SERPINB8: variants seen among roughly 807,000 people sequenced by gnomAD.
SERPINB8 encodes serpin B8.
SERPINB8 carries 25 observed loss-of-function variants against 35.3 expected under a neutral mutation model. That is an observed-to-expected ratio of 0.71 (90% CI 0.52 to 0.99). The LOEUF (loss-of-function observed/expected upper bound fraction) is 0.99, where lower values mean the gene tolerates loss of function less well. SERPINB8 is among the 50% of genes least tolerant of loss of function. SERPINB8 has a pLI of 0.00. For synonymous variants in SERPINB8, 186 were observed against 160.8 expected, an observed-to-expected ratio of 1.16 and a Z score of -1.19; for missense variants, 484 against 446.5, an observed-to-expected ratio of 1.08 and a Z score of -0.76.
At chr18:64,002,992 G>A (rs1453492069) in intron 1 of SERPINB8, among the ~76,000 whole-genome samples, 1 of 152,236 alleles carries the variant, frequency 6.6e-6, no homozygotes, top group African/African-American at 2.4e-5. Flanking sequence ...ACCAGTGCCC[G>A]GGAGTCCTGC....
At chr18:63,983,237 A>G (rs976646775) in intron 4 of SERPINB8, among the ~76,000 whole-genome samples, 2 of 152,214 alleles carry the variant, frequency 1.3e-5, no homozygotes, top group African/African-American at 4.8e-5. Flanking sequence ...ACTGCCCCAT[A>G]GTCAGAATCA....
chr18:64,011,914 A>G (rs2050927576), intron 7 of SERPINB8, among the ~76,000 whole-genome samples: 1 of 152,170 alleles, frequency 6.6e-6, no homozygotes, highest in Non-Finnish European at 1.5e-5. Context: ...CAAAACTTGC[A>G]GAAATGGTTT....
At chr18:64,018,898 A>C (rs1467871323) in intron 7 of SERPINB8, 1 of 151,290 alleles carries the variant, frequency 6.6e-6, no homozygotes, top group Non-Finnish European at 1.5e-5. Flanking sequence ...AATGTCTCTC[A>C]TTTTTTTTTA....
rs553807077 is a variant in SERPINB8 at position 64,012,147 on chromosome 18, A to G, written c.*3-6763A>G. 7.8e-4 allele frequency among the ~76,000 whole-genome samples: 118 copies of G among 152,174 alleles called. 2 individuals are homozygous for G. Among genetic ancestry groups the G allele is most frequent in the Non-Finnish European group, 4.4e-4 (30 of 68,020 alleles). ...TTAATTTTATATATGATCAAGACTA[A>G]TATATAATAAAATATATGTCTGAAC... On this transcript the variant is annotated intron_variant, in intron 7 of 7. Coordinates refer to the SERPINB8 transcript ENST00000636430.
intron 6 of SERPINB8, 92 bp downstream of exon 6, chr18:63,985,337 C>A: frequency 1.4e-6 from 2 of 1,436,034 alleles, no homozygotes. Flanking sequence ...GAGGAGTTTC[C>A]AGTTGGGGTT....
Position 63,985,163 on chromosome 18 carries a change from C to G in SERPINB8, c.638C>G (p.Thr213Ser), listed in dbSNP as rs368850268. The change falls in exon 6 of 7, where the codon ACC becomes AGC. Residue 213 changes from threonine to serine, a missense_variant. By Grantham distance (58) the Thr-to-Ser change is moderately conservative. Transcript: ENST00000397985. ...FKMGYADEVH[T>S]QVLELPYVEE... ...ATGGGGTATGCGGATGAGGTACACA[C>G]CCAGGTCCTGGAGCTGCCCTATGTG... 21 of 1,614,036 alleles carry G rather than the reference C, an allele frequency of 1.3e-5. No individual in the cohort carries two copies. The highest frequency in any genetic ancestry group is 1.4e-5 in the Non-Finnish European group (17 of 1,180,014).
exon 8 of SERPINB8, chr18:64,019,314 T>G (rs1263719699): frequency 6.6e-6 from 1 of 152,306 alleles, no homozygotes; most frequent in Non-Finnish European, 1.5e-5. Context: ...CTTGCCTACT[T>G]GTACTGTGTG....
At chr18:63,984,047 A>G (rs554569887) in intron 5 of SERPINB8, among the ~76,000 whole-genome samples, 37 of 152,198 alleles carry the variant, frequency 2.4e-4, no homozygotes, top group Non-Finnish European at 5.1e-4. Context: ...AGGTTTTGTC[A>G]TATTGCCCAG....
chr18:63,970,693 A>G (rs2050458546), intron 1 of SERPINB8: 1 of 152,386 alleles, frequency 6.6e-6, no homozygotes, highest in African/African-American at 2.4e-5. Flanking sequence ...CCTGGGGCAG[A>G]TCGGGGAGGC....
intron 1 of SERPINB8, among the ~76,000 whole-genome samples, chr18:63,994,874 C>G (rs1292000268): frequency 1.3e-5 from 2 of 152,174 alleles, no homozygotes; most frequent in Admixed American, 1.3e-4. Flanking sequence ...CTCAGTCCGT[C>G]CCAGACACAA....
At chr18:64,015,939 T>A (rs1441365430) in intron 7 of SERPINB8, among the ~76,000 whole-genome samples, 1 of 152,214 alleles carries the variant, frequency 6.6e-6, no homozygotes, top group East Asian at 1.9e-4. Flanking sequence ...TGACATTCAA[T>A]TAGAGAACCA....
chr18:64,015,221 G>A (rs778070535), intron 7 of SERPINB8, among the ~76,000 whole-genome samples: 10 of 152,174 alleles, frequency 6.6e-5, no homozygotes, highest in Non-Finnish European at 1.5e-4. Context: ...TCCAGCATTT[G>A]GTGAACTTCA....
intron 1 of SERPINB8, among the ~76,000 whole-genome samples, chr18:64,004,566 T>C (rs74694710): frequency 0.017 from 2,613 of 152,290 alleles, 62 homozygotes; most frequent in Middle Eastern, 0.024. Context: ...AAGATTATGA[T>C]AAGATCACTT....
intron 1 of SERPINB8, among the ~76,000 whole-genome samples, chr18:63,971,658 G>T (rs1489482079): frequency 6.6e-6 from 1 of 152,210 alleles, no homozygotes; most frequent in African/African-American, 2.4e-5. Flanking sequence ...GCCCATGGTG[G>T]TGGCCTACGC....
At chr18:63,990,145 G>C (rs1007135111), downstream of SERPINB8, among the ~76,000 whole-genome samples, 1 of 144,456 alleles carries the variant, frequency 6.9e-6, no homozygotes, top group East Asian at 2.1e-4. Flanking sequence ...GCACGATCTC[G>C]GCTCACTGCA....
chr18:64,004,881 G>A (rs2050892653), exon 2 of SERPINB8: 1 of 398,416 alleles, frequency 2.5e-6, no homozygotes, highest in Non-Finnish European at 4.4e-6. Flanking sequence ...GCACCTGAGT[G>A]TAAGTACAGA....
downstream of SERPINB8, among the ~76,000 whole-genome samples, chr18:64,006,546 C>T (rs903482672): frequency 2.0e-5 from 3 of 152,126 alleles, no homozygotes; most frequent in Non-Finnish European, 2.9e-5. Context: ...CATGCTGGCA[C>T]CCTAATTGCA....
chr18:63,970,548 C>CG lies in SERPINB8; in HGVS notation c.-11+384dup, dbSNP rs1369495851. 21 of 152,610 alleles carry CG rather than the reference C, an allele frequency of 1.4e-4. 1 individual carries two copies. Among genetic ancestry groups the CG allele is most frequent in the South Asian group, 2.0e-4 (1 of 4,898 alleles). The allele number at this position is 152,610 out of a possible 1,614,324, so 9.5% of individuals were successfully genotyped here. The stretch of plus-strand genomic sequence containing the variant: ...GCTGTGATTTGCTGCCGGATGGGAG[C>CG]GGGGGGTGACGCGAGCAGTGAGTTT... On this transcript the variant is annotated intron_variant, in intron 1 of 6. Transcript: ENST00000397985.
chr18:63,986,311 CA>C (rs989626586), intron 6 of SERPINB8: 14 of 1,608,268 alleles, frequency 8.7e-6, no homozygotes, highest in Admixed American at 8.4e-5. Flanking sequence ...AGGCAGAGGA[CA>C]AACAAGGATG....
Sources: allele counts gnomAD v4.1 joint callset (sites outside exome capture counted in the v4.1 genomes callset), GRCh38; gene constraint gnomAD v4.1.1; transcripts MANE v1.5; gene names NCBI Gene and HGNC (gene_info 2026-07-23, HGNC 2026-07-21).